PPP2R2B: variants seen among roughly 807,000 people sequenced by gnomAD.
The protein encoded by PPP2R2B is protein phosphatase 2 regulatory subunit Bbeta, also known as serine/threonine-protein phosphatase 2A 55 kDa regulatory subunit B beta isoform.
PPP2R2B carries 5 observed loss-of-function variants against 46.0 expected under a neutral mutation model. That is an observed-to-expected ratio of 0.11 (90% CI 0.06 to 0.23). The LOEUF (loss-of-function observed/expected upper bound fraction) is 0.23, where lower values mean the gene tolerates loss of function less well. Among genes scored for constraint, PPP2R2B ranks in the 10% least tolerant of loss-of-function variants. The pLI is 1.00. For missense variants in PPP2R2B, 367 were observed against 575.0 expected (o/e 0.64, Z 3.70); for synonymous variants, 215 against 206.7 (o/e 1.04, Z -0.34).
intron 1 of PPP2R2B, among the ~76,000 whole-genome samples, chr5:147,002,413 C>T (rs1025187149): frequency 6.6e-6 from 1 of 152,142 alleles, no homozygotes; most frequent in Non-Finnish European, 1.5e-5. Flanking sequence ...AGATCCCTTC[C>T]ATCCCACAGG....
chr5:146,996,422 G>A (rs1229961472), intron 1 of PPP2R2B, among the ~76,000 whole-genome samples: 3 of 152,112 alleles, frequency 2.0e-5, no homozygotes, highest in African/African-American at 7.2e-5. Flanking sequence ...GGAAGAAAGT[G>A]TAAGGAAATA....
intron 1 of PPP2R2B, among the ~76,000 whole-genome samples, chr5:147,004,462 A>T (rs1029262288): frequency 1.3e-5 from 2 of 152,086 alleles, no homozygotes; most frequent in Admixed American, 6.5e-5. Context: ...CTCAATGTTA[A>T]TCTCTTGTCC....
At chr5:146,629,372 G>A (rs1218192246) in intron 7 of PPP2R2B, among the ~76,000 whole-genome samples, 2 of 152,036 alleles carry the variant, frequency 1.3e-5, no homozygotes, top group African/African-American at 4.8e-5. Context: ...CCTCTTCACT[G>A]CCAATCTCTC....
chr5:146,898,524 G>T (rs951783455), intron 1 of PPP2R2B, among the ~76,000 whole-genome samples: 2 of 151,752 alleles, frequency 1.3e-5, no homozygotes, highest in African/African-American at 4.9e-5. Context: ...AAAAACCCTA[G>T]AAGAAAACCT....
Position 147,053,221 on chromosome 5 carries a change from A to G in PPP2R2B, c.79+2444T>C, listed in dbSNP as rs546769459. On this transcript the variant is annotated intron_variant, in intron 1 of 8. Coordinates refer to the PPP2R2B transcript ENST00000336640. Reference sequence around the variant, plus strand: ...CCTATGGCCTTCCTGCATTAAAAAAAAAAAACACACGCGCACACAAAAAAA... The same window carrying G: ...CCTATGGCCTTCCTGCATTAAAAAAGAAAAACACACGCGCACACAAAAAAA... Among the ~76,000 whole-genome samples the G allele has an allele frequency of 3.4e-4, 29 of 84,122 alleles. No homozygotes were observed. The South Asian group carries it at 0.014, about 42-fold the overall frequency. The allele number at this position is 84,122 out of a possible 152,430, so 55.2% of individuals were successfully genotyped here.
At chr5:147,077,289 CA>C (rs1757809883) in intron 2 of PPP2R2B, among the ~76,000 whole-genome samples, 3 of 146,006 alleles carry the variant, frequency 2.1e-5, no homozygotes, top group African/African-American at 7.8e-5. Context: ...CACACACACA[CA>C]CACACACACA....
chr5:146,899,018 T>C (rs1430617768), intron 1 of PPP2R2B, among the ~76,000 whole-genome samples: 1 of 151,346 alleles, frequency 6.6e-6, no homozygotes, highest in East Asian at 2.0e-4. Context: ...CATTTTACAC[T>C]GTTGGTGGGA....
intron 2 of PPP2R2B, among the ~76,000 whole-genome samples, chr5:146,708,901 GT>G (rs1183611020): frequency 6.6e-6 from 1 of 152,154 alleles, no homozygotes; most frequent in Non-Finnish European, 1.5e-5. Context: ...ATGGAACTAT[GT>G]TTGAGTTCCT....
chr5:146,907,299 G>A (rs140706062), intron 1 of PPP2R2B, among the ~76,000 whole-genome samples: 74 of 152,192 alleles, frequency 4.9e-4, no homozygotes, highest in African/African-American at 1.6e-3. Flanking sequence ...TTACAACTAC[G>A]TATTTTAAGC....
intron 1 of PPP2R2B, among the ~76,000 whole-genome samples, chr5:146,948,183 T>G (rs144534027): frequency 1.3e-5 from 2 of 152,092 alleles, no homozygotes; most frequent in Non-Finnish European, 2.9e-5. Context: ...CTGGGGACTA[T>G]GTTTATTCAA....
At chr5:146,730,705 A>G (rs575803475) in intron 2 of PPP2R2B, among the ~76,000 whole-genome samples, 5 of 152,298 alleles carry the variant, frequency 3.3e-5, no homozygotes, top group African/African-American at 1.2e-4. Context: ...CCACCATGTA[A>G]GAAGTGCCTT....
At chr5:146,646,265 A>G (rs1048578456) in intron 6 of PPP2R2B, among the ~76,000 whole-genome samples, 1 of 152,198 alleles carries the variant, frequency 6.6e-6, no homozygotes, top group Non-Finnish European at 1.5e-5. Context: ...CCCATGTTGG[A>G]CAAGGTAAGA....
chr5:146,777,373 G>A (rs1755249990), intron 2 of PPP2R2B, among the ~76,000 whole-genome samples: 1 of 151,550 alleles, frequency 6.6e-6, no homozygotes, highest in African/African-American at 2.4e-5. Context: ...CACACAAAAA[G>A]ACAATTATTG....
At chr5:146,725,851 G>A (rs773557030) in intron 2 of PPP2R2B, among the ~76,000 whole-genome samples, 1 of 152,172 alleles carries the variant, frequency 6.6e-6, no homozygotes, top group Non-Finnish European at 1.5e-5. Flanking sequence ...TAAAAGGGCA[G>A]GGCCCATGTC....
intron 1 of PPP2R2B, among the ~76,000 whole-genome samples, chr5:147,040,220 ATGT>A (rs1457165871): frequency 2.6e-5 from 4 of 152,166 alleles, no homozygotes; most frequent in Non-Finnish European, 5.9e-5. Flanking sequence ...TGACCTGATA[ATGT>A]TGTTTCAAAT....
intron 2 of PPP2R2B, among the ~76,000 whole-genome samples, chr5:146,850,460 C>T (rs1018722089): frequency 6.6e-6 from 1 of 152,112 alleles, no homozygotes; most frequent in Non-Finnish European, 1.5e-5. Context: ...CAAGATGTGG[C>T]TTCTGTCTAA....
At chr5:146,759,731 T>G (rs2151250582) in intron 2 of PPP2R2B, among the ~76,000 whole-genome samples, 1 of 151,964 alleles carries the variant, frequency 6.6e-6, no homozygotes, top group South Asian at 2.1e-4. Flanking sequence ...TATGGGTGGG[T>G]CTGACTGGCA....
At chr5:147,076,968 C>T (rs568532623) in intron 2 of PPP2R2B, among the ~76,000 whole-genome samples, 1 of 146,712 alleles carries the variant, frequency 6.8e-6, no homozygotes, top group Middle Eastern at 3.4e-3. Flanking sequence ...TAGTCTGCTA[C>T]TTGATACCCA....
intron 7 of PPP2R2B, among the ~76,000 whole-genome samples, chr5:146,605,337 C>T (rs1772162307): frequency 6.6e-6 from 1 of 152,196 alleles, no homozygotes; most frequent in South Asian, 2.1e-4. Flanking sequence ...GTGTTGCCTA[C>T]CAGGTCCCTC....
Sources: gnomAD v4.1 joint callset for allele counts (sites outside exome capture counted in the v4.1 genomes callset) on GRCh38, gnomAD v4.1.1 for gene constraint, MANE v1.5 for transcripts, NCBI Gene and HGNC (gene_info 2026-07-23, HGNC 2026-07-21) for gene names.